PLXNC1: variants seen among roughly 807,000 people sequenced by gnomAD.
The protein encoded by PLXNC1 is plexin C1, also known as plexin-C1.
A neutral mutation model predicts 178.2 loss-of-function variants in PLXNC1; 75 were observed. The ratio of observed to expected loss-of-function variants is 0.42; its 90% confidence interval spans 0.35 to 0.51. The LOEUF is 0.51. Ranked by LOEUF, PLXNC1 falls within the 20% of genes least tolerant of loss-of-function variation. The pLI, the probability that PLXNC1 is intolerant of heterozygous loss-of-function variation, is 0.02. For missense variants in PLXNC1, 1,503 were observed against 1,984.4 expected (o/e 0.76, Z 4.61); for synonymous variants, 790 against 779.9 (o/e 1.01, Z -0.22).
At chr12:94,196,340 C>A (rs927512582) in intron 4 of PLXNC1, among the ~76,000 whole-genome samples, 2 of 152,086 alleles carry the variant, frequency 1.3e-5, no homozygotes, top group Non-Finnish European at 2.9e-5. Flanking sequence ...TGAGCGAGTT[C>A]TCACTCTGAG....
intron 4 of PLXNC1, among the ~76,000 whole-genome samples, chr12:94,198,464 A>G (rs919303819): frequency 6.6e-6 from 1 of 152,088 alleles, no homozygotes; most frequent in African/African-American, 2.4e-5. Context: ...TAACAAACCT[A>G]CACATCCTGC....
intron 6 of PLXNC1, among the ~76,000 whole-genome samples, chr12:94,222,227 T>C (rs1963815633): frequency 6.6e-6 from 1 of 152,244 alleles, no homozygotes. Context: ...GCTAGTTGGT[T>C]GCTTTTAGCG....
chr12:94,243,168 A>C (rs1187519521), intron 11 of PLXNC1, among the ~76,000 whole-genome samples: 3 of 152,172 alleles, frequency 2.0e-5, no homozygotes, highest in Non-Finnish European at 4.4e-5. Context: ...TCTCTGCCCT[A>C]CACAAATTGG....
chr12:94,281,313 T>A (rs1966422903), intron 22 of PLXNC1, among the ~76,000 whole-genome samples: 1 of 151,612 alleles, frequency 6.6e-6, no homozygotes, highest in African/African-American at 2.4e-5. Flanking sequence ...AAAAAAGAAA[T>A]CCAACACCAG....
At chr12:94,199,221 G>A (rs1005292836) in intron 4 of PLXNC1, among the ~76,000 whole-genome samples, 1 of 152,176 alleles carries the variant, frequency 6.6e-6, no homozygotes, top group Non-Finnish European at 1.5e-5. Context: ...TGGAATGGCC[G>A]ACAATTTGAG....
At chr12:94,169,395 C>A in intron 2 of PLXNC1, 102 bp downstream of exon 2, 2 of 975,736 alleles carry the variant, frequency 2.0e-6, no homozygotes, top group South Asian at 1.6e-5. Context: ...TGAGACCAAA[C>A]CAAGAACTTC....
chr12:94,225,017 G>A (rs1157221657), intron 7 of PLXNC1, among the ~76,000 whole-genome samples: 4 of 152,154 alleles, frequency 2.6e-5, no homozygotes, highest in East Asian at 3.8e-4. Context: ...AGAAGGACAA[G>A]GTGAAGTCCC....
At chr12:94,305,053 A>C in intron 30 of PLXNC1, 128 bp from the exon 31 acceptor site, 1 of 630,064 alleles carries the variant, frequency 1.6e-6, no homozygotes. Context: ...GTGAGTATGT[A>C]AATGATGGAA....
At chr12:94,303,709 T>TAA in intron 28 of PLXNC1, 47 bp from the exon 29 acceptor site, 1 of 1,181,228 alleles carries the variant, frequency 8.5e-7, no homozygotes, top group Non-Finnish European at 1.1e-6. Flanking sequence ...TTTTTTTTTT[T>TAA]TTTACTCTTT....
intron 15 of PLXNC1, 43 bp downstream of exon 15, chr12:94,251,571 G>A (rs547131802): frequency 2.4e-6 from 3 of 1,268,110 alleles, no homozygotes; most frequent in South Asian, 2.4e-5. Context: ...TATTCCCTGG[G>A]GCCTCTCGCC....
intron 9 of PLXNC1, among the ~76,000 whole-genome samples, chr12:94,232,609 C>T (rs1285209787): frequency 2.0e-5 from 3 of 152,162 alleles, no homozygotes; most frequent in Non-Finnish European, 4.4e-5. Context: ...ATGTGCTAGA[C>T]AGGCAGGCAA....
rs1028658967 is a variant in PLXNC1 at position 94,230,669 on chromosome 12, G to A, written c.1980+3434G>A. On this transcript the variant is annotated intron_variant, in intron 9 of 30. Coordinates refer to ENST00000258526, the MANE Select transcript of PLXNC1 (RefSeq NM_005761.3). ...CACTGCTGTCTTTCATTATCAGGTG[G>A]AATGTGTAACATTCTGGTTTCCACT... Among the ~76,000 whole-genome samples, 6 of 152,222 alleles carry A rather than the reference G, an allele frequency of 3.9e-5. 1 individual carries two copies. Among genetic ancestry groups the A allele is most frequent in the Admixed American group, 3.3e-4 (5 of 15,290 alleles).
intron 6 of PLXNC1, among the ~76,000 whole-genome samples, chr12:94,223,539 A>G (rs761685445): frequency 6.6e-6 from 1 of 152,230 alleles, no homozygotes; most frequent in Non-Finnish European, 1.5e-5. Flanking sequence ...TGATTCTGAT[A>G]GAGAACTGGG....
chr12:94,268,588 C>CTTTTTTTTTTTTTTTTTTTTTTTTT (rs61265662), intron 21 of PLXNC1, among the ~76,000 whole-genome samples: 2 of 90,884 alleles, frequency 2.2e-5, no homozygotes, highest in African/African-American at 4.6e-5. Context: ...AGAATAAGAC[C>CTTTTTTTTTTTTTTTTTTTTTTTTT]TTTTTTTTTT....
intron 21 of PLXNC1, chr12:94,277,954 C>A: frequency 2.2e-6 from 1 of 456,034 alleles, no homozygotes; most frequent in Non-Finnish European, 4.4e-6. Context: ...TTTCATCTCT[C>A]CCCTGAGCCC....
At chr12:94,187,045 C>T (rs936168978) in intron 4 of PLXNC1, among the ~76,000 whole-genome samples, 1 of 152,236 alleles carries the variant, frequency 6.6e-6, no homozygotes, top group Non-Finnish European at 1.5e-5. Flanking sequence ...GCGGCTTCCC[C>T]GCCATGGCAG....
Position 94,279,484 on chromosome 12 carries a change from G to A in PLXNC1, c.3610G>A (p.Val1204Ile), listed in dbSNP as rs139894368. 19 of 1,613,170 alleles carry A rather than the reference G, an allele frequency of 1.2e-5. No individual in the cohort carries two copies. The highest frequency in any genetic ancestry group is 3.3e-5 in the Admixed American group (2 of 59,920). The change falls in exon 22 of 31, where the codon GTC becomes ATC. Residue 1204 changes from valine to isoleucine, a missense_variant. Val to Ile is a conservative substitution (Grantham distance 29). Transcript: ENST00000258526. ...PEFSTVALNV[V>I]FEKIPENESA... is the part of the protein sequence containing the mutation. ...TGTACTCTTGCAGGCATTAAACGTC[G>A]TCTTTGAAAAAATCCCGGAAAACGA...
intron 2 of PLXNC1, among the ~76,000 whole-genome samples, chr12:94,172,473 T>G (rs1961882135): frequency 6.6e-6 from 1 of 152,204 alleles, no homozygotes; most frequent in African/African-American, 2.4e-5. Context: ...TTTAAATAAT[T>G]TTTCCTTATT....
chr12:94,256,540 G>A (rs771050578), intron 17 of PLXNC1, among the ~76,000 whole-genome samples: 2 of 151,816 alleles, frequency 1.3e-5, no homozygotes, highest in Non-Finnish European at 2.9e-5. Context: ...GCAGAACACC[G>A]CCTGGGGAAA....
Sources: gnomAD v4.1 joint callset for allele counts (sites outside exome capture counted in the v4.1 genomes callset) on GRCh38, gnomAD v4.1.1 for gene constraint, MANE v1.5 for transcripts, NCBI Gene and HGNC (gene_info 2026-07-23, HGNC 2026-07-21) for gene names.